The following NFIB variants were observed in gnomAD, a reference collection of about 807,000 sequenced individuals.
NFIB encodes nuclear factor I B, also known as nuclear factor 1 B-type.
A neutral mutation model predicts 61.5 loss-of-function variants in NFIB; 11 were observed. That is an observed-to-expected ratio of 0.18 (90% CI 0.11 to 0.30). The LOEUF (loss-of-function observed/expected upper bound fraction) is 0.30. NFIB is among the 10% of genes least tolerant of loss of function. The probability of loss-of-function intolerance (pLI) is 1.00; values close to 1 mark genes in which losing one functional copy is unlikely to be tolerated. For synonymous variants in NFIB, 260 were observed against 216.5 expected, an observed-to-expected ratio of 1.20 and a Z score of -1.76; for missense variants, 471 against 608.9, an observed-to-expected ratio of 0.77 and a Z score of 2.38.
the NFIB span, among the ~76,000 whole-genome samples, chr9:14,428,080 G>A: frequency 6.7e-6 from 1 of 149,922 alleles, no homozygotes; most frequent in Non-Finnish European, 1.5e-5. Flanking sequence ...TGAGTAGCTG[G>A]GACTACAGGC....
intron 1 of NFIB, among the ~76,000 whole-genome samples, chr9:14,391,131 A>T (rs576114393): frequency 6.6e-6 from 1 of 152,340 alleles, no homozygotes; most frequent in East Asian, 1.9e-4. Context: ...TTAAAGAGTA[A>T]AGTATAGAGA....
chr9:14,455,116 T>G, the NFIB span, among the ~76,000 whole-genome samples: 1 of 152,234 alleles, frequency 6.6e-6, no homozygotes, highest in African/African-American at 2.4e-5. Context: ...TGGCACATGG[T>G]AGGCCTGCAA....
intron 1 of NFIB, among the ~76,000 whole-genome samples, chr9:14,382,934 G>C (rs2061505501): frequency 6.6e-6 from 1 of 152,148 alleles, no homozygotes; most frequent in South Asian, 2.1e-4. Context: ...CTTGAATATT[G>C]AGTTTCTCAG....
the NFIB span, among the ~76,000 whole-genome samples, chr9:14,434,988 T>C: frequency 1.9e-4 from 29 of 152,356 alleles, no homozygotes; most frequent in Non-Finnish European, 3.7e-4. Flanking sequence ...AGGATATCTC[T>C]GAAGAGAAAA....
chr9:14,494,525 C>T, the NFIB span, among the ~76,000 whole-genome samples: 10 of 152,132 alleles, frequency 6.6e-5, no homozygotes, highest in African/African-American at 1.2e-4. Context: ...TTTTCTTTTT[C>T]GCAGATCCAG....
chr9:14,142,739 A>T (rs2041886261), intron 6 of NFIB, among the ~76,000 whole-genome samples: 2 of 152,208 alleles, frequency 1.3e-5, no homozygotes, highest in Non-Finnish European at 2.9e-5. Flanking sequence ...TTGACAGTCT[A>T]ATCTGGTTCT....
chr9:14,187,734 G>A (rs977096545), intron 2 of NFIB, among the ~76,000 whole-genome samples: 6 of 151,890 alleles, frequency 4.0e-5, no homozygotes, highest in African/African-American at 1.5e-4. Flanking sequence ...TGTCCACAGG[G>A]AATTAACTGA....
chr9:14,145,871 T>A (rs1325354310), intron 6 of NFIB, among the ~76,000 whole-genome samples: 1 of 151,546 alleles, frequency 6.6e-6, no homozygotes, highest in Non-Finnish European at 1.5e-5. Context: ...CCAGGCTAGA[T>A]TTTTTTTAAT....
chr9:14,202,644 AT>A (rs779956311), intron 2 of NFIB, among the ~76,000 whole-genome samples: 4 of 152,332 alleles, frequency 2.6e-5, no homozygotes, highest in Non-Finnish European at 4.4e-5. Context: ...TGACATAAAA[AT>A]ATCGGTTCTA....
At chr9:14,281,048 G>A (rs2058340988) in intron 2 of NFIB, among the ~76,000 whole-genome samples, 1 of 152,042 alleles carries the variant, frequency 6.6e-6, no homozygotes, top group Non-Finnish European at 1.5e-5. Flanking sequence ...TATTTTTCTA[G>A]AAAAATCATT....
intron 2 of NFIB, among the ~76,000 whole-genome samples, chr9:14,224,701 A>G (rs1161850402): frequency 6.6e-6 from 1 of 152,188 alleles, no homozygotes; most frequent in Non-Finnish European, 1.5e-5. Flanking sequence ...CATTTTATAC[A>G]AGGAACTTGA....
chr9:14,202,128 T>TCACACACACACA (rs3080833), intron 2 of NFIB, among the ~76,000 whole-genome samples: 93 of 147,176 alleles, frequency 6.3e-4, no homozygotes, highest in African/African-American at 1.5e-3. Flanking sequence ...TTGATACTTT[T>TCACACACACACA]CACACACACA....
At chr9:14,418,603 G>C in the NFIB span, among the ~76,000 whole-genome samples, 86 of 152,302 alleles carry the variant, frequency 5.6e-4, 1 homozygote, top group African/African-American at 1.9e-3. Flanking sequence ...TGAGCCCTGT[G>C]TCTCTACATA....
At chr9:14,353,505 G>A (rs2132921235) in intron 1 of NFIB, among the ~76,000 whole-genome samples, 1 of 152,288 alleles carries the variant, frequency 6.6e-6, no homozygotes, top group Non-Finnish European at 1.5e-5. Flanking sequence ...TGAGGAGGAA[G>A]CAGAAAATGG....
At chr9:14,102,589 T>G in intron 10 of NFIB, 1 of 1,114,060 alleles carries the variant, frequency 9.0e-7, no homozygotes, top group Non-Finnish European at 1.3e-6. Flanking sequence ...ACATGCAAAC[T>G]AGTACTGTAC....
At chr9:14,232,763 G>C (rs530860501) in intron 2 of NFIB, among the ~76,000 whole-genome samples, 5 of 152,312 alleles carry the variant, frequency 3.3e-5, no homozygotes, top group Non-Finnish European at 5.9e-5. Context: ...GAATCCTAAA[G>C]TGTAGCAAGT....
rs1419601720 is a variant in NFIB, at chr9:14,086,489, C to G, written c.*1820G>C. 1 of 216,620 alleles carries G rather than the reference C, an allele frequency of 4.6e-6. No individual in the cohort carries two copies. Among genetic ancestry groups the G allele is most frequent in the African/African-American group, 2.3e-5 (1 of 44,238 alleles). The allele number at this position is 216,620 out of a possible 1,614,324, so 13.4% of individuals were successfully genotyped here. A position where few individuals can be genotyped will look rare whatever the true frequency, so the allele number is the denominator to read the frequency against. On this transcript the variant is annotated 3_prime_UTR_variant, in exon 11 of 11. Coordinates refer to ENST00000380953, the MANE Select transcript of NFIB (RefSeq NM_001190737.2). ...CATAATTCGTATAAATTTGAAACCCCTCCCCCCCAAATATTAATTGGAAGA... is the reference window on the plus strand; with the variant it reads ...CATAATTCGTATAAATTTGAAACCCGTCCCCCCCAAATATTAATTGGAAGA...
chr9:14,206,172 T>G (rs2049674113), intron 2 of NFIB, among the ~76,000 whole-genome samples: 1 of 140,318 alleles, frequency 7.1e-6, no homozygotes, highest in African/African-American at 2.5e-5. Flanking sequence ...ACTAACTCTC[T>G]CTCTCTTTTT....
the NFIB span, among the ~76,000 whole-genome samples, chr9:14,466,096 G>A: frequency 2.6e-4 from 39 of 152,128 alleles, no homozygotes; most frequent in Admixed American, 5.9e-4. Context: ...AGGAAGGAAC[G>A]ATCCAGTTCC....
Sources: gnomAD v4.1 joint callset for allele counts (sites outside exome capture counted in the v4.1 genomes callset) on GRCh38, gnomAD v4.1.1 for gene constraint, MANE v1.5 for transcripts, NCBI Gene and HGNC (gene_info 2026-07-23, HGNC 2026-07-21) for gene names.